SLC14A2: variants seen among roughly 807,000 people sequenced by gnomAD.
SLC14A2 encodes the protein urea transporter 2.
Under a neutral mutation model 104.6 loss-of-function variants are expected in SLC14A2, and 91 were observed. The ratio of observed to expected loss-of-function variants is 0.87; its 90% CI spans 0.73 to 1.04. The LOEUF (loss-of-function observed/expected upper bound fraction) is 1.04, where lower values mean the gene tolerates loss of function less well. SLC14A2 is among the 50% of genes least tolerant of loss of function. SLC14A2 has a pLI of 0.00. For missense variants in SLC14A2, 1,189 were observed against 1,156.0 expected, an observed-to-expected ratio of 1.03 and a Z score of -0.41; for synonymous variants, 476 against 466.4, an observed-to-expected ratio of 1.02 and a Z score of -0.27.
At chr18:45,588,943 T>C (rs2044608326) in intron 2 of SLC14A2, among the ~76,000 whole-genome samples, 1 of 142,424 alleles carries the variant, frequency 7.0e-6, no homozygotes, top group Non-Finnish European at 1.5e-5. Context: ...GTTTAGATTG[T>C]GGTTGTCTTT....
intron 1 of SLC14A2, among the ~76,000 whole-genome samples, chr18:45,378,230 G>T (rs1279396817): frequency 6.7e-6 from 1 of 148,970 alleles, no homozygotes; most frequent in Non-Finnish European, 1.5e-5. Flanking sequence ...ATAGTGTAAA[G>T]GCTCCTATTA....
At chr18:45,677,473 C>T (rs540925518) in intron 18 of SLC14A2, among the ~76,000 whole-genome samples, 5 of 152,300 alleles carry the variant, frequency 3.3e-5, no homozygotes, top group East Asian at 3.9e-4. Context: ...GCTGGAGCTC[C>T]GCCACTTGTT....
At chr18:45,486,055 C>A (rs963467152) in intron 2 of SLC14A2, among the ~76,000 whole-genome samples, 2 of 152,198 alleles carry the variant, frequency 1.3e-5, no homozygotes, top group Non-Finnish European at 2.9e-5. Context: ...AGGCTCAAAT[C>A]AGTGAGTAGA....
chr18:45,197,593 T>C, the SLC14A2 span, among the ~76,000 whole-genome samples: 1 of 152,152 alleles, frequency 6.6e-6, no homozygotes, highest in Admixed American at 6.5e-5. Flanking sequence ...ACTCAGCAAA[T>C]TGATTTCAGA....
At chr18:45,635,129 G>A (rs556608686) in intron 5 of SLC14A2, among the ~76,000 whole-genome samples, 28 of 152,212 alleles carry the variant, frequency 1.8e-4, no homozygotes, top group Non-Finnish European at 2.5e-4. Context: ...GGTGGCAGGA[G>A]ACAGGATACA....
intron 1 of SLC14A2, among the ~76,000 whole-genome samples, chr18:45,436,160 G>T (rs565839686): frequency 6.6e-6 from 1 of 152,290 alleles, no homozygotes; most frequent in Non-Finnish European, 1.5e-5. Flanking sequence ...GGAGTAAAAT[G>T]TCCAGAATGG....
chr18:45,643,618 A>C (rs2045570134), intron 9 of SLC14A2, among the ~76,000 whole-genome samples: 1 of 152,150 alleles, frequency 6.6e-6, no homozygotes, highest in Admixed American at 6.6e-5. Flanking sequence ...CTGCAGCTCC[A>C]ACCTCCCAGG....
intron 1 of SLC14A2, among the ~76,000 whole-genome samples, chr18:45,277,375 C>A (rs1033766483): frequency 7.2e-5 from 11 of 152,090 alleles, no homozygotes; most frequent in African/African-American, 2.7e-4. Context: ...AAATGTGAAA[C>A]TATATTTGTT....
intron 8 of SLC14A2, among the ~76,000 whole-genome samples, chr18:45,641,723 A>G (rs1341219265): frequency 2.6e-5 from 4 of 152,236 alleles, no homozygotes; most frequent in Non-Finnish European, 5.9e-5. Flanking sequence ...CTACATCCTC[A>G]TGAAGCCACA....
chr18:45,615,822 T>A (rs2045058104), intron 1 of SLC14A2, among the ~76,000 whole-genome samples: 1 of 146,306 alleles, frequency 6.8e-6, no homozygotes, highest in South Asian at 2.1e-4. Context: ...GGTGTATGTG[T>A]GTGTGTGTGT....
chr18:45,531,279 A>T (rs533660402), intron 2 of SLC14A2, among the ~76,000 whole-genome samples: 1 of 152,150 alleles, frequency 6.6e-6, no homozygotes, highest in Non-Finnish European at 1.5e-5. Context: ...CGCCACACTG[A>T]CTTCCACAAT....
chr18:45,514,974 A>C (rs1460713150), intron 2 of SLC14A2, among the ~76,000 whole-genome samples: 1 of 152,208 alleles, frequency 6.6e-6, no homozygotes, highest in Admixed American at 6.5e-5. Context: ...AAGTTCAATG[A>C]TTCTCTTGAA....
chr18:45,508,268 C>T (rs141718369), intron 2 of SLC14A2, among the ~76,000 whole-genome samples: 133 of 152,256 alleles, frequency 8.7e-4, no homozygotes, highest in African/African-American at 3.1e-3. Flanking sequence ...GCCTTTGATA[C>T]GGTTTGATTG....
chr18:45,285,670 C>G lies in SLC14A2; in HGVS notation c.-125+72479C>G, dbSNP rs868462549. On this transcript the variant is annotated intron_variant, in intron 1 of 20. Coordinates refer to the SLC14A2 transcript ENST00000586448. ...TGACCTCAGGTGATCTGCCCCCCCC[C>G]CCCCTCGGCCTCCCAAAGTGCTGGG... Among the ~76,000 whole-genome samples, 295 of 147,874 alleles carry G rather than the reference C, an allele frequency of 2.0e-3. 3 individuals carry two copies. Among genetic ancestry groups the G allele is most frequent in the South Asian group, 6.7e-3 (30 of 4,500 alleles).
At chr18:45,631,932 T>C (rs2045351792) in intron 4 of SLC14A2, among the ~76,000 whole-genome samples, 1 of 152,128 alleles carries the variant, frequency 6.6e-6, no homozygotes, top group Non-Finnish European at 1.5e-5. Flanking sequence ...TACAGAGAAC[T>C]TTACACAATG....
At chr18:45,471,325 TTTTG>T (rs1302850544) in intron 1 of SLC14A2, among the ~76,000 whole-genome samples, 1 of 152,182 alleles carries the variant, frequency 6.6e-6, no homozygotes, top group Non-Finnish European at 1.5e-5. Context: ...TTGTTTCGCT[TTTTG>T]TTTGTTGGGA....
chr18:45,556,639 A>C (rs1344784928), intron 2 of SLC14A2, among the ~76,000 whole-genome samples: 2 of 152,224 alleles, frequency 1.3e-5, no homozygotes, highest in Admixed American at 6.5e-5. Context: ...GATTCGTGTG[A>C]AGATTAAATG....
At chr18:45,474,740 T>C (rs1226730763) in intron 1 of SLC14A2, among the ~76,000 whole-genome samples, 3 of 152,214 alleles carry the variant, frequency 2.0e-5, no homozygotes, top group Non-Finnish European at 2.9e-5. Context: ...TTATCATTTT[T>C]TATTGTGTCT....
chr18:45,236,123 A>G (rs554341317), intron 1 of SLC14A2, among the ~76,000 whole-genome samples: 14 of 56,344 alleles, frequency 2.5e-4, no homozygotes, highest in Non-Finnish European at 3.7e-4. Flanking sequence ...ATATACATAT[A>G]TGTGTGTATA....
Sources: gnomAD v4.1 joint callset for allele counts (sites outside exome capture counted in the v4.1 genomes callset) on GRCh38, gnomAD v4.1.1 for gene constraint, MANE v1.5 for transcripts, NCBI Gene and HGNC (gene_info 2026-07-23, HGNC 2026-07-21) for gene names.